The following INTS9 variants were observed in gnomAD, a reference collection of about 807,000 sequenced individuals.
INTS9 encodes the protein integrator complex subunit 9.
INTS9 carries 55 observed loss-of-function variants against 79.7 expected under a neutral mutation model. The ratio of observed to expected loss-of-function variants is 0.69; its 90% CI spans 0.56 to 0.86. The LOEUF is 0.86. INTS9 is among the 40% of genes least tolerant of loss of function. INTS9 has a pLI of 0.00. For missense variants in INTS9, 721 were observed against 831.5 expected (o/e 0.87, Z 1.64); for synonymous variants, 319 against 325.2 (o/e 0.98, Z 0.20).
intron 6 of INTS9, among the ~76,000 whole-genome samples, chr8:28,822,797 C>A (rs1010283634): frequency 5.9e-5 from 9 of 152,116 alleles, no homozygotes; most frequent in African/African-American, 2.2e-4. Flanking sequence ...ATGTAGATTT[C>A]TATCAAATAG....
chr8:28,841,455 C>A (rs942564018), intron 4 of INTS9, among the ~76,000 whole-genome samples: 3 of 152,270 alleles, frequency 2.0e-5, no homozygotes, highest in African/African-American at 7.2e-5. Flanking sequence ...TGAAATTTCT[C>A]TTTAAGAACC....
chr8:28,793,718 G>T, intron 10 of INTS9, 89 bp downstream of exon 10: 2 of 1,198,508 alleles, frequency 1.7e-6, no homozygotes, highest in South Asian at 1.9e-5. Context: ...ACAGTAATGT[G>T]AGAAAAAACA....
At chr8:28,768,799 C>T (rs547238673) in intron 16 of INTS9, among the ~76,000 whole-genome samples, 2 of 152,318 alleles carry the variant, frequency 1.3e-5, no homozygotes, top group South Asian at 2.1e-4. Flanking sequence ...AAATTCCTTA[C>T]AAATCAGACG....
chr8:28,818,968 A>G (rs1805665419), intron 6 of INTS9, among the ~76,000 whole-genome samples: 1 of 152,108 alleles, frequency 6.6e-6, no homozygotes. Context: ...CTCTGATGGT[A>G]GTTTGTATTT....
intron 2 of INTS9, among the ~76,000 whole-genome samples, chr8:28,857,248 G>A (rs1808223256): frequency 6.6e-6 from 1 of 152,142 alleles, no homozygotes; most frequent in African/African-American, 2.4e-5. Flanking sequence ...ATACATGATG[G>A]CCAATTAGAG....
intron 12 of INTS9, chr8:28,780,553 C>CGATA: frequency 1.0e-6 from 1 of 985,378 alleles, no homozygotes. Flanking sequence ...AAATGGCTTA[C>CGATA]GATATCCTAG....
At chr8:28,864,742 A>G (rs1808643271) in intron 1 of INTS9, among the ~76,000 whole-genome samples, 1 of 152,218 alleles carries the variant, frequency 6.6e-6, no homozygotes, top group South Asian at 2.1e-4. Flanking sequence ...TATCTTGGTT[A>G]TAAAACATCA....
chr8:28,825,240 A>G (rs948622724), intron 6 of INTS9, among the ~76,000 whole-genome samples: 4 of 152,196 alleles, frequency 2.6e-5, no homozygotes, highest in African/African-American at 9.7e-5. Flanking sequence ...TTCTTGACTT[A>G]ATAATGCCAG....
chr8:28,817,819 CTT>C (rs1056577446), intron 6 of INTS9, among the ~76,000 whole-genome samples: 70 of 146,854 alleles, frequency 4.8e-4, no homozygotes, highest in Non-Finnish European at 7.8e-4. Flanking sequence ...TTTGTACCCT[CTT>C]TTATTTCATT....
At chr8:28,839,789 T>C (rs1195405822) in intron 4 of INTS9, among the ~76,000 whole-genome samples, 7 of 151,698 alleles carry the variant, frequency 4.6e-5, no homozygotes, top group Non-Finnish European at 7.4e-5. Context: ...CAAAAATTAA[T>C]TCAAGATGGA....
intron 4 of INTS9, among the ~76,000 whole-genome samples, chr8:28,840,542 C>G (rs1336401417): frequency 1.6e-5 from 2 of 121,972 alleles, no homozygotes; most frequent in Non-Finnish European, 3.4e-5. Context: ...GGAACCAACC[C>G]AAATGTCCAA....
intron 11 of INTS9, among the ~76,000 whole-genome samples, chr8:28,786,145 G>A (rs1803574523): frequency 6.6e-6 from 1 of 151,998 alleles, no homozygotes; most frequent in East Asian, 1.9e-4. Context: ...CATTATGTTT[G>A]TGCAGTTTAT....
chr8:28,796,493 A>C, intron 9 of INTS9, 51 bp downstream of exon 9: 2 of 1,001,676 alleles, frequency 2.0e-6, no homozygotes, highest in Non-Finnish European at 3.1e-6. Context: ...TATTATTGTA[A>C]AATAAATGCA....
chr8:28,876,936 A>T (rs915657186), intron 1 of INTS9, among the ~76,000 whole-genome samples: 7 of 152,186 alleles, frequency 4.6e-5, no homozygotes, highest in African/African-American at 1.7e-4. Flanking sequence ...ACAAAGAAAC[A>T]TTTAAAAAAA....
rs1052243359 is a variant in INTS9 at position 28,767,828 on chromosome 8, A to T, written c.*318T>A. 1 of 360,380 alleles carries T rather than the reference A, an allele frequency of 2.8e-6. No individual in the cohort carries two copies. The highest frequency in any genetic ancestry group is 5.2e-6 in the Non-Finnish European group (1 of 190,732). 22.3% of individuals were successfully genotyped at this position (360,380 alleles called of 1,614,324 possible). A position where few individuals can be genotyped will look rare whatever the true frequency, so the allele number is the denominator to read the frequency against. ...CTGGCCGAGGCCTGGGACTGATGCAAGACAGCCAGCCAGTCACCTCCGCCT... is the reference window on the plus strand; with the variant it reads ...CTGGCCGAGGCCTGGGACTGATGCATGACAGCCAGCCAGTCACCTCCGCCT... On this transcript the variant is annotated 3_prime_UTR_variant, in exon 17 of 17. Coordinates refer to ENST00000521022, the MANE Select transcript of INTS9 (RefSeq NM_018250.4).
At chr8:28,874,536 G>A (rs1411420881) in intron 1 of INTS9, among the ~76,000 whole-genome samples, 1 of 151,960 alleles carries the variant, frequency 6.6e-6, no homozygotes, top group Non-Finnish European at 1.5e-5. Flanking sequence ...CTCGTGATCT[G>A]CCTGTCTCAG....
intron 1 of INTS9, among the ~76,000 whole-genome samples, chr8:28,887,884 T>C (rs554020098): frequency 6.6e-6 from 1 of 152,242 alleles, no homozygotes; most frequent in East Asian, 1.9e-4. Context: ...CCCGGTTTCA[T>C]ATTTCTAAAT....
intron 6 of INTS9, among the ~76,000 whole-genome samples, chr8:28,834,823 T>C (rs1806707051): frequency 6.6e-6 from 1 of 152,104 alleles, no homozygotes; most frequent in South Asian, 2.1e-4. Context: ...ATTACAGGCA[T>C]GTGCTACCAC....
intron 1 of INTS9, among the ~76,000 whole-genome samples, chr8:28,860,725 C>T (rs984600604): frequency 4.6e-5 from 7 of 152,174 alleles, no homozygotes; most frequent in African/African-American, 9.6e-5. Context: ...GTGATCCGCC[C>T]GCCTCCTTGG....
Sources: gnomAD v4.1 joint callset for allele counts (sites outside exome capture counted in the v4.1 genomes callset) on GRCh38, gnomAD v4.1.1 for gene constraint, MANE v1.5 for transcripts, NCBI Gene and HGNC (gene_info 2026-07-23, HGNC 2026-07-21) for gene names.